Variants in BPIFB2 observed in about 807,000 individuals in gnomAD.
BPIFB2 encodes BPI fold containing family B member 2, also known as BPI fold-containing family B member 2.
BPIFB2 carries 39 observed loss-of-function variants against 50.1 expected under a neutral mutation model. The ratio of observed to expected loss-of-function variants is 0.78; its 90% CI spans 0.60 to 1.02. The LOEUF is 1.02. Among genes scored for constraint, BPIFB2 ranks in the 50% least tolerant of loss-of-function variants. BPIFB2 has a pLI of 0.00. For missense variants in BPIFB2, 574 were observed against 585.8 expected, an observed-to-expected ratio of 0.98 and a Z score of 0.21; for synonymous variants, 280 against 256.3, an observed-to-expected ratio of 1.09 and a Z score of -0.88.
Position 33,013,975 on chromosome 20 carries a change from C to T in BPIFB2, c.455+19C>T. ...GTAACAGGTGGGTGCCTGGTGAGGG[C>T]AGGGTCACAGGAATCCCAGATGCCA... On this transcript the variant is annotated intron_variant, in intron 5 of 15. Transcript: ENST00000170150. The T allele has an allele frequency of 1.2e-6, 2 of 1,602,354 alleles. No homozygotes were observed. Among genetic ancestry groups the T allele is most frequent in the Non-Finnish European group, 1.7e-6 (2 of 1,171,364 alleles).
At chr20:33,020,444 C>G in intron 12 of BPIFB2, 49 bp downstream of exon 12, 6 of 1,606,084 alleles carry the variant, frequency 3.7e-6, no homozygotes, top group Non-Finnish European at 4.3e-6. Flanking sequence ...TCTTCTGTGC[C>G]ATGGGTCCAT....
chr20:33,022,041 G>A (rs144980067), intron 15 of BPIFB2, among the ~76,000 whole-genome samples: 1 of 152,300 alleles, frequency 6.6e-6, no homozygotes, highest in Non-Finnish European at 1.5e-5. Flanking sequence ...CACTTGTCCC[G>A]TGATCCTGTG....
chr20:33,023,457 G>T lies in BPIFB2; in HGVS notation c.*74G>T. The T allele has an allele frequency of 6.5e-7, 1 of 1,533,864 alleles. No individual in the cohort carries two copies. The highest frequency in any genetic ancestry group is 9.0e-7 in the Non-Finnish European group (1 of 1,108,676). On this transcript the variant is annotated 3_prime_UTR_variant, in exon 16 of 16. Coordinates refer to ENST00000170150, the MANE Select transcript of BPIFB2 (RefSeq NM_025227.3). ...GAATTTCTCATTTCAAGCCACTGGG[G>T]AAACTGAGGCAAAACCATACTTAGT...
chr20:33,015,780 G>A (rs566122561), intron 6 of BPIFB2, among the ~76,000 whole-genome samples: 1 of 151,980 alleles, frequency 6.6e-6, no homozygotes, highest in Non-Finnish European at 1.5e-5. Context: ...ATGGAGTGGG[G>A]TTCATGGGCC....
chr20:33,018,976 G>A, intron 9 of BPIFB2, 86 bp from the exon 10 acceptor site: 1 of 1,590,438 alleles, frequency 6.3e-7, no homozygotes, highest in Non-Finnish European at 8.6e-7. Flanking sequence ...GGGGCTATGG[G>A]GAGCGATTGC....
intron 10 of BPIFB2, 77 bp downstream of exon 10, chr20:33,019,192 G>C: frequency 1.9e-6 from 3 of 1,557,070 alleles, no homozygotes; most frequent in Non-Finnish European, 2.7e-6. Context: ...TGGGATCTCT[G>C]CTGGCTCTTA....
rs763497656 is a variant in BPIFB2, at chr20:33,019,584, C to A, written c.914C>A (p.Ala305Asp). 1.3e-6 allele frequency: 2 copies of A among 1,582,530 alleles called. No individual in the cohort carries two copies. Among genetic ancestry groups the A allele is most frequent in the Non-Finnish European group, 8.6e-7 (1 of 1,161,264 alleles). Reference sequence around the variant, plus strand: ...CCTCCGCCTCTGCCTCCCCAGGTGGCCCGCCAGTTTCCCGAGCCCATGCCT... The same window carrying A: ...CCTCCGCCTCTGCCTCCCCAGGTGGACCGCCAGTTTCCCGAGCCCATGCCT... ...SALGRLIPEVARQFPEPMPVV... is the reference protein window; with the variant it reads ...SALGRLIPEVDRQFPEPMPVV... The change falls in exon 11 of 16, where the codon GCC (alanine) becomes GAC (aspartate). Residue 305 changes from alanine to aspartate, a missense_variant. By Grantham distance (126) the Ala-to-Asp change is moderately radical (BLOSUM62 -2). Transcript: ENST00000170150.
rs760951579 is a variant in BPIFB2, at chr20:33,017,081, G to C, written c.556G>C (p.Val186Leu). 1 of 1,614,092 alleles carries C rather than the reference G, an allele frequency of 6.2e-7. No individual in the cohort carries two copies. Among genetic ancestry groups the C allele is most frequent in the Non-Finnish European group, 8.5e-7 (1 of 1,179,996 alleles). ...SISNLVQGVN[V>L]HLGTLIGLNP... is the part of the protein sequence containing the mutation. ...CTCCAACCTGGTGCAGGGTGTCAAT[G>C]TCCACCTGGGCACCTTAATTGGTAA... Residue 186 changes from valine (V) to leucine (L), a missense_variant, in exon 7 of 16, where the codon GTC becomes CTC. Coordinates refer to ENST00000170150, the MANE Select transcript of BPIFB2 (RefSeq NM_025227.3).
intron 5 of BPIFB2, among the ~76,000 whole-genome samples, chr20:33,014,859 G>A (rs1978357515): frequency 6.6e-6 from 1 of 152,240 alleles, no homozygotes; most frequent in African/African-American, 2.4e-5. Flanking sequence ...TGGAAGCCCA[G>A]AGGCTTTGGG....
Position 33,008,639 on chromosome 20 carries a change from C to CTGTGTG in BPIFB2, c.65_66insTGTGTG (p.Thr22_Pro23insValTrp). 1 of 1,607,550 alleles carries CTGTGTG rather than the reference C, an allele frequency of 6.2e-7. No individual in the cohort carries two copies. The highest frequency in any genetic ancestry group is 1.3e-5 in the African/African-American group (1 of 74,794). On this transcript the variant is annotated inframe_insertion, in exon 2 of 16. Transcript: ENST00000170150. ...CTGCTGCCCGTGGTCGGTGCCTCCA[C>CTGTGTG]GCCAGGCACCGTGGTCCGACTCAAC...
chr20:33,016,942 G>A, intron 6 of BPIFB2, 100 bp from the exon 7 acceptor site: 1 of 1,070,892 alleles, frequency 9.3e-7, no homozygotes, highest in Non-Finnish European at 1.4e-6. Flanking sequence ...GTATGGGTTG[G>A]GGAGGCTTCT....
chr20:33,017,119 AG>A lies in BPIFB2; in HGVS notation c.577+21del. On this transcript the variant is annotated intron_variant, in intron 7 of 15. Transcript: ENST00000170150. ...CCTTAATTGGTAAGATCTGGGAGCC[AG>A]GGGAGGGGGCTGGGGCCTCTGGGAC... 6.2e-7 allele frequency: 1 copy of A among 1,612,688 alleles called. No individual in the cohort carries two copies. The highest frequency in any genetic ancestry group is 8.5e-7 in the Non-Finnish European group (1 of 1,179,334).
chr20:33,015,363 C>T lies in BPIFB2; in HGVS notation c.456-73C>T, dbSNP rs148194879. On this transcript the variant is annotated intron_variant, in intron 5 of 15. Coordinates refer to ENST00000170150, the MANE Select transcript of BPIFB2 (RefSeq NM_025227.3). ...GAGGATAGAGACTTCTCTTCCCAGA[C>T]GTGCGACTGTGCTGAGTGACGGGAC... 5,363 of 1,380,010 alleles carry T rather than the reference C, an allele frequency of 3.9e-3. 14 individuals carry two copies. Among genetic ancestry groups the T allele is most frequent in the Non-Finnish European group, 4.5e-3 (4,411 of 989,800 alleles). The allele number at this position is 1,380,010 out of a possible 1,614,324, so 85.5% of individuals were successfully genotyped here.
chr20:33,022,431 CT>C (rs1359688289), intron 15 of BPIFB2, among the ~76,000 whole-genome samples: 1 of 152,190 alleles, frequency 6.6e-6, no homozygotes, highest in Admixed American at 6.5e-5. Context: ...TCTCAAGGCA[CT>C]TGGGTGATTA....
rs753901105 is a variant in BPIFB2, at chr20:33,017,092, C to T, written c.567C>T (p.Gly189=). The T allele has an allele frequency of 1.9e-6, 3 of 1,614,028 alleles. No individual in the cohort carries two copies. The East Asian group carries it at 6.7e-5, about 36-fold the overall frequency. The change falls in exon 7 of 16, where the codon GGC becomes GGT. Residue 189 remains glycine, a synonymous_variant. Coordinates refer to ENST00000170150, the MANE Select transcript of BPIFB2 (RefSeq NM_025227.3). ...NLVQGVNVHL[G]TLIGLNPVGP... is the part of the protein sequence containing the mutation. Reference sequence around the variant, plus strand: ...TGCAGGGTGTCAATGTCCACCTGGGCACCTTAATTGGTAAGATCTGGGAGC... The same window carrying T: ...TGCAGGGTGTCAATGTCCACCTGGGTACCTTAATTGGTAAGATCTGGGAGC...
chr20:33,021,382 C>T, intron 14 of BPIFB2, 38 bp downstream of exon 14: 1 of 1,578,712 alleles, frequency 6.3e-7, no homozygotes, highest in Non-Finnish European at 8.6e-7. Flanking sequence ...GCCCCTCTGG[C>T]CCCCTCCATA....
chr20:33,016,405 C>T (rs950889111), intron 6 of BPIFB2, among the ~76,000 whole-genome samples: 4 of 152,156 alleles, frequency 2.6e-5, no homozygotes, highest in East Asian at 1.9e-4. Flanking sequence ...GGGCAAGGGG[C>T]TTCAGGCAGC....
chr20:33,018,651 G>A lies in BPIFB2; in HGVS notation c.684G>A (p.Leu228=). 1 of 1,612,748 alleles carries A rather than the reference G, an allele frequency of 6.2e-7. No individual in the cohort carries two copies. Among genetic ancestry groups the A allele is most frequent in the Admixed American group, 1.7e-5 (1 of 59,886 alleles). ...ISLEVNAVLF[L]LGKPIILPTD... ...CACCCCTACAGGCTGTTCTCTTCCT[G>A]CTGGGCAAGCCCATCATCCTGCCCA... is the stretch of plus-strand genomic sequence containing the variant. Residue 228 remains leucine, a synonymous_variant, in exon 9 of 16, where the codon CTG becomes CTA. Coordinates refer to ENST00000170150, the MANE Select transcript of BPIFB2 (RefSeq NM_025227.3).
intron 15 of BPIFB2, among the ~76,000 whole-genome samples, chr20:33,022,530 T>C (rs140442133): frequency 4.0e-4 from 61 of 152,286 alleles, no homozygotes; most frequent in Middle Eastern, 3.4e-3. Flanking sequence ...AGGCAGTTAG[T>C]GGCTGACCCA....
Sources: gnomAD v4.1 joint callset for allele counts (sites outside exome capture counted in the v4.1 genomes callset) on GRCh38, gnomAD v4.1.1 for gene constraint, MANE v1.5 for transcripts, NCBI Gene and HGNC (gene_info 2026-07-23, HGNC 2026-07-21) for gene names.